GRID2: variants seen among roughly 807,000 people sequenced by gnomAD.
GRID2 encodes glutamate receptor ionotropic, delta-2.
A neutral mutation model predicts 114.8 loss-of-function variants in GRID2; 33 were observed. The ratio of observed to expected loss-of-function variants is 0.29; its 90% CI spans 0.22 to 0.38. The LOEUF is 0.38. GRID2 is among the 10% of genes least tolerant of loss of function. The probability of loss-of-function intolerance (pLI) is 1.00; values close to 1 mark genes in which losing one functional copy is unlikely to be tolerated. For missense variants in GRID2, 1,184 were observed against 1,257.7 expected, an observed-to-expected ratio of 0.94 and a Z score of 0.89; for synonymous variants, 505 against 449.9, an observed-to-expected ratio of 1.12 and a Z score of -1.55.
At chr4:93,527,289 T>A (rs1480273415) in intron 13 of GRID2, among the ~76,000 whole-genome samples, 4 of 152,208 alleles carry the variant, frequency 2.6e-5, no homozygotes, top group Non-Finnish European at 5.9e-5. Flanking sequence ...ATAACTCTAT[T>A]ATTTTTCTTA....
At chr4:92,962,547 C>T (rs924238998) in intron 2 of GRID2, among the ~76,000 whole-genome samples, 1 of 151,968 alleles carries the variant, frequency 6.6e-6, no homozygotes, top group Non-Finnish European at 1.5e-5. Context: ...CTCGAATTAA[C>T]CCCCAGTAGG....
chr4:93,330,844 T>C (rs764237601), intron 8 of GRID2, among the ~76,000 whole-genome samples: 1 of 152,084 alleles, frequency 6.6e-6, no homozygotes, highest in Admixed American at 6.6e-5. Flanking sequence ...TCCCCTTCTC[T>C]GAGGTGTTGA....
At chr4:93,388,992 G>A (rs1309394475) in intron 8 of GRID2, among the ~76,000 whole-genome samples, 1 of 152,176 alleles carries the variant, frequency 6.6e-6, no homozygotes, top group East Asian at 1.9e-4. Flanking sequence ...GGAGATTGCT[G>A]AGCTTGAGAT....
intron 11 of GRID2, among the ~76,000 whole-genome samples, chr4:93,457,882 C>T (rs1169682686): frequency 6.6e-6 from 1 of 152,080 alleles, no homozygotes; most frequent in African/African-American, 2.4e-5. Context: ...TTGAGCTATC[C>T]GTGAAACATC....
At chr4:93,021,757 A>C (rs1235426410) in intron 2 of GRID2, among the ~76,000 whole-genome samples, 1 of 146,052 alleles carries the variant, frequency 6.8e-6, no homozygotes, top group African/African-American at 2.5e-5. Context: ...TATTTATAAT[A>C]TGAATATTAT....
intron 1 of GRID2, among the ~76,000 whole-genome samples, chr4:93,800,249 C>T (rs1381220842): frequency 6.6e-6 from 1 of 152,150 alleles, no homozygotes; most frequent in Non-Finnish European, 1.5e-5. Context: ...CCTGTGTAAA[C>T]GAGGAGATTC....
At chr4:93,460,400 G>T in intron 11 of GRID2, among the ~76,000 whole-genome samples, 1 of 152,044 alleles carries the variant, frequency 6.6e-6, no homozygotes, top group East Asian at 1.9e-4. Context: ...GAGTGCCTTT[G>T]TTACCAACCT....
chr4:93,699,880 A>G (rs1727356835), intron 14 of GRID2, among the ~76,000 whole-genome samples: 1 of 152,164 alleles, frequency 6.6e-6, no homozygotes, highest in African/African-American at 2.4e-5. Context: ...AATTATTGAC[A>G]TAAGCTGGGA....
chr4:92,645,797 G>A (rs756508231), intron 2 of GRID2, among the ~76,000 whole-genome samples: 11 of 151,656 alleles, frequency 7.3e-5, no homozygotes, highest in Non-Finnish European at 1.0e-4. Flanking sequence ...AGTATTGATA[G>A]TATTTTTTCA....
intron 10 of GRID2, among the ~76,000 whole-genome samples, chr4:93,446,418 G>C (rs1423833292): frequency 6.6e-6 from 1 of 152,018 alleles, no homozygotes; most frequent in Non-Finnish European, 1.5e-5. Flanking sequence ...TACCAGAATA[G>C]GAAGAACTTT....
At chr4:93,684,082 A>G (rs1371807974) in intron 14 of GRID2, among the ~76,000 whole-genome samples, 1 of 152,168 alleles carries the variant, frequency 6.6e-6, no homozygotes, top group African/African-American at 2.4e-5. Flanking sequence ...ATAGTTATCT[A>G]TACACACCTA....
chr4:92,933,503 T>A (rs1382854414), intron 2 of GRID2, among the ~76,000 whole-genome samples: 3 of 151,552 alleles, frequency 2.0e-5, no homozygotes, highest in African/African-American at 2.4e-5. Flanking sequence ...ATTTAAGACT[T>A]CAAAGATTCA....
At chr4:92,464,741 T>C (rs762749089) in intron 1 of GRID2, among the ~76,000 whole-genome samples, 11 of 151,990 alleles carry the variant, frequency 7.2e-5, no homozygotes, top group Non-Finnish European at 1.5e-5. Flanking sequence ...AAAGAATAAT[T>C]AAGAAAGGAT....
intron 4 of GRID2, among the ~76,000 whole-genome samples, chr4:93,186,632 T>G (rs1053735743): frequency 3.2e-4 from 48 of 152,196 alleles, no homozygotes; most frequent in African/African-American, 1.1e-3. Flanking sequence ...TTTGGTATTT[T>G]TCAAATATTT....
intron 2 of GRID2, among the ~76,000 whole-genome samples, chr4:92,613,765 A>T (rs914663681): frequency 6.6e-6 from 1 of 150,836 alleles, no homozygotes; most frequent in African/African-American, 2.4e-5. Flanking sequence ...ACCTTCTTTA[A>T]ATTTTTGTCA....
chr4:92,352,340 TTTA>T (rs138987661), intron 1 of GRID2, among the ~76,000 whole-genome samples: 135,672 of 147,044 alleles, frequency 0.92, 62,655 homozygotes, highest in East Asian at 0.97. Context: ...ATTGGATTAT[TTTA>T]TTATTATTAT....
intron 2 of GRID2, among the ~76,000 whole-genome samples, chr4:92,714,231 C>T (rs1470314909): frequency 6.6e-6 from 1 of 152,174 alleles, no homozygotes; most frequent in Non-Finnish European, 1.5e-5. Flanking sequence ...TTTAAAGCTC[C>T]AAAATTATCT....
intron 1 of GRID2, among the ~76,000 whole-genome samples, chr4:92,407,364 G>T (rs905098330): frequency 1.3e-5 from 2 of 152,148 alleles, no homozygotes; most frequent in African/African-American, 4.8e-5. Flanking sequence ...CCATGTCCTT[G>T]CTATTGTGAA....
At chr4:93,668,430 C>T (rs6818122) in intron 14 of GRID2, among the ~76,000 whole-genome samples, 10,320 of 151,906 alleles carry the variant, frequency 0.068, 407 homozygotes, top group South Asian at 0.11. Context: ...ATTGCTACCT[C>T]CCCTTTCAAC....
Sources: gnomAD v4.1 joint callset for allele counts (sites outside exome capture counted in the v4.1 genomes callset) on GRCh38, gnomAD v4.1.1 for gene constraint, MANE v1.5 for transcripts, NCBI Gene and HGNC (gene_info 2026-07-23, HGNC 2026-07-21) for gene names.